The following FUBP3 variants were observed in gnomAD, a reference collection of about 807,000 sequenced individuals.
FUBP3 encodes far upstream element-binding protein 3.
FUBP3 carries 28 observed loss-of-function variants against 85.6 expected under a neutral mutation model. The observed-to-expected ratio is 0.33, with a 90% confidence interval of 0.24 to 0.45. The LOEUF (loss-of-function observed/expected upper bound fraction) is 0.45. Ranked by LOEUF, FUBP3 falls within the 20% of genes least tolerant of loss-of-function variation. The pLI is 1.00. For synonymous variants in FUBP3, 271 were observed against 271.4 expected, an observed-to-expected ratio of 1.00 and a Z score of 0.01; for missense variants, 583 against 755.1, an observed-to-expected ratio of 0.77 and a Z score of 2.67.
At chr9:130,615,973 A>G (rs932944240) in intron 6 of FUBP3, among the ~76,000 whole-genome samples, 3 of 151,976 alleles carry the variant, frequency 2.0e-5, no homozygotes, top group Non-Finnish European at 4.4e-5. Context: ...TATTGAGTCT[A>G]CTCTGTGAGA....
chr9:130,632,089 C>A, intron 15 of FUBP3, 67 bp downstream of exon 15: 1 of 1,471,254 alleles, frequency 6.8e-7, no homozygotes, highest in South Asian at 1.1e-5. Context: ...CTATTGCCGA[C>A]AGGCAAGGGT....
Position 130,612,844 on chromosome 9 carries a change from A to C in FUBP3, c.275-112A>C, listed in dbSNP as rs1336618832. On this transcript the variant is annotated intron_variant, in intron 4 of 18. Transcript: ENST00000319725. This position sits in a 1 kb window ranked among gnomAD's most constrained non-coding sequence, Gnocchi z 4.1. ...AGATGGGCTCACGGGGGCCAACTCGATGTGTAGTATTGTGAGCCAAGTGTC... is the reference window on the plus strand; with the variant it reads ...AGATGGGCTCACGGGGGCCAACTCGCTGTGTAGTATTGTGAGCCAAGTGTC... 2.6e-6 allele frequency: 2 copies of C among 763,970 alleles called. No individual in the cohort carries two copies. Among genetic ancestry groups the C allele is most frequent in the African/African-American group, 3.5e-5 (2 of 57,456 alleles). 47.3% of individuals were successfully genotyped at this position (763,970 alleles called of 1,614,324 possible). A position where few individuals can be genotyped will look rare whatever the true frequency, so the allele number is the denominator to read the frequency against.
rs55658443 is a variant in FUBP3 at position 130,621,636 on chromosome 9, G to A, written c.772-1072G>A. 5.7e-3 allele frequency among the ~76,000 whole-genome samples: 865 copies of A among 152,352 alleles called. 5 individuals are homozygous for A. The highest frequency in any genetic ancestry group is 0.031 in the Middle Eastern group (9 of 294). The stretch of plus-strand genomic sequence containing the variant: ...AAGAATGCAGTTCAGGCCGGGCATG[G>A]TGGCTCACGCCTGTAATCCCAGCAC... On this transcript the variant is annotated intron_variant, in intron 9 of 18. Coordinates refer to ENST00000319725, the MANE Select transcript of FUBP3 (RefSeq NM_003934.2).
intron 10 of FUBP3, among the ~76,000 whole-genome samples, chr9:130,623,059 G>A (rs527582757): frequency 2.0e-5 from 3 of 151,884 alleles, no homozygotes; most frequent in Non-Finnish European, 4.4e-5. Context: ...TCTTCCTGGA[G>A]TATATGCATA....
At chr9:130,620,497 G>C in intron 9 of FUBP3, 39 bp downstream of exon 9, 1 of 1,020,924 alleles carries the variant, frequency 9.8e-7, no homozygotes, top group South Asian at 1.4e-5. Flanking sequence ...AATGAGATGA[G>C]GACTAAAGTT....
Position 130,632,285 on chromosome 9 carries a change from G to A in FUBP3, c.1510+7G>A. 6.2e-7 allele frequency: 1 copy of A among 1,607,724 alleles called. No homozygotes were observed. The highest frequency in any genetic ancestry group is 8.5e-7 in the Non-Finnish European group (1 of 1,175,164). The stretch of plus-strand genomic sequence containing the variant: ...CCCACACAGCAGGTCCCAAGTAAGT[G>A]ACTCGGGGCGGGGAGTGCATGCCCT... On this transcript the variant is annotated splice_region_variant and intron_variant, in intron 16 of 18. Coordinates refer to ENST00000319725, the MANE Select transcript of FUBP3 (RefSeq NM_003934.2).
At position 130,635,850 on chromosome 9, in the gene FUBP3, C is replaced by T. The variant is rs978031755; in HGVS notation, c.1583-149C>T. Reference sequence around the variant, plus strand: ...AACAGCACCTTTTGTAGCAAGCGCTCCTGCAACACCAGCCTCACCTCACTG... The same window carrying T: ...AACAGCACCTTTTGTAGCAAGCGCTTCTGCAACACCAGCCTCACCTCACTG... On this transcript the variant is annotated intron_variant, in intron 17 of 18. Transcript: ENST00000319725. This position sits in a 1 kb window ranked among gnomAD's most constrained non-coding sequence, Gnocchi z 4.3. The T allele has an allele frequency of 1.2e-5, 9 of 754,754 alleles. No homozygotes were observed. Among genetic ancestry groups the T allele is most frequent in the Non-Finnish European group, 1.5e-5 (7 of 461,568 alleles). The allele number at this position is 754,754 out of a possible 1,614,324, so 46.8% of individuals were successfully genotyped here.
intron 2 of FUBP3, among the ~76,000 whole-genome samples, chr9:130,598,202 A>G (rs187719289): frequency 1.6e-4 from 25 of 152,310 alleles, no homozygotes; most frequent in Admixed American, 5.9e-4. Context: ...TTTCAAATGT[A>G]TGTGCAATGG....
chr9:130,635,006 G>A lies in FUBP3; in HGVS notation c.1582+268G>A, dbSNP rs563463411. Among the ~76,000 whole-genome samples the A allele has an allele frequency of 6.6e-6, 1 of 152,286 alleles. No individual in the cohort carries two copies. The highest frequency in any genetic ancestry group is 2.1e-4 in the South Asian group (1 of 4,814). Reference sequence around the variant, plus strand: ...CCGTGCTGGGCTCCAAAGGACTTGAGGTGGGCGTGGCACCTGGAAGTGTGG... The same window carrying A: ...CCGTGCTGGGCTCCAAAGGACTTGAAGTGGGCGTGGCACCTGGAAGTGTGG... On this transcript the variant is annotated intron_variant, in intron 17 of 18. Coordinates refer to ENST00000319725, the MANE Select transcript of FUBP3 (RefSeq NM_003934.2). The surrounding 1 kb of genome is among the most constrained non-coding windows in gnomAD (Gnocchi z 4.3).
At chr9:130,585,278 T>G (rs923753555) in intron 1 of FUBP3, among the ~76,000 whole-genome samples, 2 of 152,238 alleles carry the variant, frequency 1.3e-5, no homozygotes, top group Non-Finnish European at 2.9e-5. Context: ...CATGAGGCAT[T>G]CACACTCTCC....
Position 130,612,342 on chromosome 9 carries a change from G to T in FUBP3, c.225-114G>T. On this transcript the variant is annotated intron_variant, in intron 3 of 18. Transcript: ENST00000319725. This position sits in a 1 kb window ranked among gnomAD's most constrained non-coding sequence, Gnocchi z 4.1. ...GTGGATTTGTTGGCCAAATTGGCCT[G>T]ATGTATTTTAAGCTTTTATCATGCA... 1 of 672,864 alleles carries T rather than the reference G, an allele frequency of 1.5e-6. No homozygotes were observed. The highest frequency in any genetic ancestry group is 2.7e-6 in the Non-Finnish European group (1 of 376,040). 41.7% of individuals were successfully genotyped at this position (672,864 alleles called of 1,614,324 possible).
chr9:130,607,836 G>A (rs1831536924), intron 2 of FUBP3, among the ~76,000 whole-genome samples: 1 of 152,216 alleles, frequency 6.6e-6, no homozygotes, highest in South Asian at 2.1e-4. Flanking sequence ...GCTCAGAGTT[G>A]ACTCTGGACT....
At chr9:130,586,305 T>C (rs1296206391) in intron 1 of FUBP3, among the ~76,000 whole-genome samples, 1 of 152,262 alleles carries the variant, frequency 6.6e-6, no homozygotes, top group Non-Finnish European at 1.5e-5. Flanking sequence ...AGTGCAAAGA[T>C]AAGTAAGACA....
intron 1 of FUBP3, among the ~76,000 whole-genome samples, chr9:130,593,620 C>T (rs1238865): frequency 6.6e-6 from 1 of 152,266 alleles, no homozygotes. Context: ...TCATGATTGT[C>T]TTTGGTTGTT....
intron 10 of FUBP3, among the ~76,000 whole-genome samples, chr9:130,623,308 T>C (rs1829832821): frequency 6.6e-6 from 1 of 152,244 alleles, no homozygotes; most frequent in African/African-American, 2.4e-5. Flanking sequence ...GCTGTTGCCA[T>C]AGCTCTGCTC....
chr9:130,623,923 T>G (rs1270770544), intron 11 of FUBP3, among the ~76,000 whole-genome samples: 2 of 152,234 alleles, frequency 1.3e-5, no homozygotes, highest in Non-Finnish European at 2.9e-5. Flanking sequence ...CCTCACCATC[T>G]AGATTGCCTT....
At chr9:130,608,167 C>A (rs749151035) in intron 2 of FUBP3, among the ~76,000 whole-genome samples, 1 of 152,174 alleles carries the variant, frequency 6.6e-6, no homozygotes, top group Non-Finnish European at 1.5e-5. Context: ...AGATCATCGG[C>A]CCTTTGACAT....
rs555969270 is a variant in FUBP3, at chr9:130,637,338, G to T, written c.*316G>T. 9.1e-6 allele frequency: 3 copies of T among 330,592 alleles called. No individual in the cohort carries two copies. The highest frequency in any genetic ancestry group is 6.3e-5 in the African/African-American group (3 of 47,316). The allele number at this position is 330,592 out of a possible 1,614,324, so 20.5% of individuals were successfully genotyped here. On this transcript the variant is annotated 3_prime_UTR_variant, in exon 19 of 19. Coordinates refer to ENST00000319725, the MANE Select transcript of FUBP3 (RefSeq NM_003934.2). ...ATTTCAACATGATGGTTTTGGTTTG[G>T]TTTGGTTTTGTGTCCTTTTTATTTG...
intron 2 of FUBP3, among the ~76,000 whole-genome samples, chr9:130,600,210 G>A (rs960761800): frequency 1.4e-5 from 2 of 147,186 alleles, no homozygotes; most frequent in African/African-American, 5.1e-5. Context: ...CTAAAGCAGT[G>A]TATTTGCCCT....
Sources: gnomAD v4.1 joint callset for allele counts (sites outside exome capture counted in the v4.1 genomes callset) on GRCh38, gnomAD v4.1.1 for gene constraint, Gnocchi (gnomAD v3.1) non-coding constraint, MANE v1.5 for transcripts, NCBI Gene and HGNC (gene_info 2026-07-23, HGNC 2026-07-21) for gene names.